Variants in STPG2 observed in about 807,000 individuals in gnomAD.
The protein encoded by STPG2 is sperm tail PG-rich repeat containing 2.
STPG2 carries 56 observed loss-of-function variants against 54.2 expected under a neutral mutation model. That is an observed-to-expected ratio of 1.03 (90% CI 0.83 to 1.29). STPG2 has a LOEUF of 1.29. Ranked by LOEUF, STPG2 falls within the 50% of genes most tolerant of loss-of-function variation. The pLI is 0.00. For missense variants in STPG2, 596 were observed against 544.9 expected, an observed-to-expected ratio of 1.09 and a Z score of -0.93; for synonymous variants, 200 against 181.8, an observed-to-expected ratio of 1.10 and a Z score of -0.81.
At chr4:97,970,348 C>G (rs1734280765) in intron 7 of STPG2, among the ~76,000 whole-genome samples, 1 of 152,132 alleles carries the variant, frequency 6.6e-6, no homozygotes, top group Non-Finnish European at 1.5e-5. Flanking sequence ...GCCTGCATTG[C>G]CAAGACAATC....
intron 10 of STPG2, among the ~76,000 whole-genome samples, chr4:97,646,955 G>A (rs931795761): frequency 6.6e-6 from 1 of 152,098 alleles, no homozygotes; most frequent in Non-Finnish European, 1.5e-5. Flanking sequence ...TCGATAAGCA[G>A]AGAATTTCTC....
At chr4:97,871,248 C>A (rs1729977307) in intron 8 of STPG2, among the ~76,000 whole-genome samples, 1 of 150,514 alleles carries the variant, frequency 6.6e-6, no homozygotes, top group South Asian at 2.1e-4. Context: ...AAATAACAAT[C>A]ACATAAAGCA....
chr4:97,446,905 G>T (rs1258714353), intron 4 of STPG2, among the ~76,000 whole-genome samples: 1 of 152,198 alleles, frequency 6.6e-6, no homozygotes, highest in Non-Finnish European at 1.5e-5. Flanking sequence ...AAGAAGTGGG[G>T]TACTGCTATA....
chr4:97,538,949 A>G (rs974965417), intron 4 of STPG2, among the ~76,000 whole-genome samples: 6 of 152,166 alleles, frequency 3.9e-5, no homozygotes, highest in Admixed American at 1.3e-4. Flanking sequence ...ACTAAGCTTC[A>G]TAAGTGGAGG....
At chr4:98,032,842 T>C (rs1353039417) in intron 5 of STPG2, among the ~76,000 whole-genome samples, 1 of 152,174 alleles carries the variant, frequency 6.6e-6, no homozygotes, top group African/African-American at 2.4e-5. Context: ...CCTGAATGAC[T>C]ACTGGGTAAA....
chr4:97,939,649 C>T (rs889385021), intron 8 of STPG2, among the ~76,000 whole-genome samples: 2 of 152,096 alleles, frequency 1.3e-5, no homozygotes, highest in Non-Finnish European at 2.9e-5. Flanking sequence ...TTTCCATTTG[C>T]TTGACAGATT....
intron 10 of STPG2, among the ~76,000 whole-genome samples, chr4:97,612,020 C>T (rs1249223938): frequency 2.6e-5 from 4 of 151,220 alleles, no homozygotes; most frequent in Non-Finnish European, 4.4e-5. Flanking sequence ...AAAATATTTG[C>T]AAAACATAAG....
chr4:98,137,254 T>C (rs1003026607), intron 1 of STPG2, among the ~76,000 whole-genome samples: 2 of 151,530 alleles, frequency 1.3e-5, no homozygotes, highest in East Asian at 3.9e-4. Context: ...AAAGATATAC[T>C]TCATAATGAT....
At chr4:97,962,799 C>A (rs1560611831) in intron 7 of STPG2, among the ~76,000 whole-genome samples, 1 of 152,192 alleles carries the variant, frequency 6.6e-6, no homozygotes, top group South Asian at 2.1e-4. Flanking sequence ...TATTCAAACA[C>A]TCTGAGTCCA....
intron 5 of STPG2, among the ~76,000 whole-genome samples, chr4:98,019,127 T>C (rs1236142632): frequency 6.6e-6 from 1 of 152,216 alleles, no homozygotes; most frequent in Non-Finnish European, 1.5e-5. Flanking sequence ...GCCTAGGTTT[T>C]CTTCTAGACT....
intron 5 of STPG2, among the ~76,000 whole-genome samples, chr4:98,053,469 G>C (rs1039736206): frequency 6.6e-6 from 1 of 151,892 alleles, no homozygotes; most frequent in Admixed American, 6.6e-5. Flanking sequence ...AACTCTATTA[G>C]AGCCATTAAC....
At chr4:97,503,280 A>G (rs1347624650) in intron 4 of STPG2, among the ~76,000 whole-genome samples, 1 of 152,066 alleles carries the variant, frequency 6.6e-6, no homozygotes, top group Non-Finnish European at 1.5e-5. Flanking sequence ...CCATGGAAAT[A>G]GTCAAATGCT....
chr4:97,463,201 G>T (rs1269100575), intron 4 of STPG2, among the ~76,000 whole-genome samples: 1 of 151,684 alleles, frequency 6.6e-6, no homozygotes, highest in East Asian at 1.9e-4. Context: ...TTATCTTTTT[G>T]AATTGTATTG....
intron 9 of STPG2, among the ~76,000 whole-genome samples, chr4:97,759,246 C>T (rs1725820011): frequency 6.6e-6 from 1 of 152,028 alleles, no homozygotes; most frequent in Admixed American, 6.6e-5. Flanking sequence ...AGCCTTTATT[C>T]TGAACACAAA....
At chr4:97,921,207 C>T (rs1406238509) in intron 8 of STPG2, among the ~76,000 whole-genome samples, 3 of 152,048 alleles carry the variant, frequency 2.0e-5, no homozygotes, top group African/African-American at 4.8e-5. Flanking sequence ...TGCCATGCAC[C>T]CCTGACCAAG....
rs116190535 is a variant in STPG2 at position 97,718,973 on chromosome 4, G to A, written c.1205-6159C>T. 2.8e-3 allele frequency among the ~76,000 whole-genome samples: 427 copies of A among 151,950 alleles called. 3 individuals carry two copies. Among genetic ancestry groups the A allele is most frequent in the African/African-American group, 9.3e-3 (388 of 41,522 alleles). ...AATCTGAAACTTTTCAAGCATCAAC[G>A]TGATGCTCAAAGAAAATACTCATTG... On this transcript the variant is annotated intron_variant, in intron 9 of 10. Coordinates refer to ENST00000295268, the MANE Select transcript of STPG2 (RefSeq NM_174952.3).
chr4:98,081,785 T>C (rs1373282742), intron 5 of STPG2, among the ~76,000 whole-genome samples: 1 of 152,186 alleles, frequency 6.6e-6, no homozygotes. Flanking sequence ...CAAACTCTTC[T>C]AATGCATAAC....
rs1424606584 is a variant in STPG2, at chr4:97,636,282, T to C, written c.1320+76417A>G. On this transcript the variant is annotated intron_variant, in intron 10 of 10. Transcript: ENST00000295268. ...AATGAAGGCAGAAATAAAGATGTTC[T>C]TTGAAACCAACGAGAACAAAGATAC... 2.0e-5 allele frequency among the ~76,000 whole-genome samples: 3 copies of C among 146,684 alleles called. No individual in the cohort carries two copies. The Admixed American group carries it at 2.1e-4, about 10-fold the overall frequency.
rs34206317 is a variant in STPG2 at position 97,701,512 on chromosome 4, C to A, written c.1320+11187G>T. ...TGGGGAAGGATGGAAAAAAGATTAA[C>A]AGCATAAATTGTTGGTAGTGTAGTG... On this transcript the variant is annotated intron_variant, in intron 10 of 10. Transcript: ENST00000295268. 4.6e-5 allele frequency among the ~76,000 whole-genome samples: 7 copies of A among 152,264 alleles called. No individual in the cohort carries two copies. In the South Asian group the frequency reaches 1.0e-3, roughly 23 times the overall value.
Sources: allele counts gnomAD v4.1 joint callset (sites outside exome capture counted in the v4.1 genomes callset), GRCh38; gene constraint gnomAD v4.1.1; transcripts MANE v1.5; gene names NCBI Gene and HGNC (gene_info 2026-07-23, HGNC 2026-07-21).